PCNX1: variants seen among roughly 807,000 people sequenced by gnomAD.
PCNX1 encodes the protein pecanex 1.
Under a neutral mutation model 242.2 loss-of-function variants are expected in PCNX1, and 78 were observed. The ratio of observed to expected loss-of-function variants is 0.32; its 90% CI spans 0.27 to 0.39. The LOEUF is 0.39. PCNX1 is among the 10% of genes least tolerant of loss of function. PCNX1 has a pLI of 1.00. For missense variants in PCNX1, 2,581 were observed against 2,856.5 expected (o/e 0.90, Z 2.20); for synonymous variants, 1,024 against 1,032.9 (o/e 0.99, Z 0.17).
intron 8 of PCNX1, among the ~76,000 whole-genome samples, chr14:71,003,041 A>AAAT (rs991381933): frequency 3.0e-4 from 45 of 149,262 alleles, no homozygotes; most frequent in Admixed American, 9.5e-4. Context: ...GTGTGTCCAG[A>AAAT]AATTTACTCA....
rs11625687 is a variant in PCNX1, at chr14:70,988,680, C to T, written c.2425C>T (p.Leu809Phe). The change falls in exon 7 of 36, where the codon CTC becomes TTC. Residue 809 changes from leucine to phenylalanine, a missense_variant. By Grantham distance (22) the Leu-to-Phe change is conservative (BLOSUM62 0). Coordinates refer to ENST00000304743, the MANE Select transcript of PCNX1 (RefSeq NM_014982.3). ...GAGTAACCCTACCCCTCCTACATTG[C>T]TCATCGGATCACCCCTAAGGTATGG... ...AGSNPTPPTL[L>F]IGSPLSLQDG... 6.2e-7 allele frequency: 1 copy of T among 1,613,898 alleles called. No individual in the cohort carries two copies. Among genetic ancestry groups the T allele is most frequent in the Non-Finnish European group, 8.5e-7 (1 of 1,179,856 alleles).
intron 30 of PCNX1, among the ~76,000 whole-genome samples, chr14:71,100,842 T>C (rs2062444155): frequency 6.6e-6 from 1 of 152,180 alleles, no homozygotes; most frequent in African/African-American, 2.4e-5. Context: ...ATACCAGTCT[T>C]CGAGGTCCAA....
chr14:71,056,947 T>C (rs2061199311), intron 25 of PCNX1, among the ~76,000 whole-genome samples: 1 of 152,180 alleles, frequency 6.6e-6, no homozygotes, highest in Non-Finnish European at 1.5e-5. Flanking sequence ...GTGCTGAGAT[T>C]CCAGGCATGA....
intron 9 of PCNX1, 90 bp downstream of exon 9, chr14:71,009,814 T>A (rs901064523): frequency 4.1e-5 from 27 of 653,694 alleles, no homozygotes; most frequent in Non-Finnish European, 6.2e-5. Context: ...AAGTTAATTT[T>A]TTTGTTTTTT....
chr14:70,938,081 GAC>G (rs1181381656), intron 1 of PCNX1, among the ~76,000 whole-genome samples: 1 of 152,176 alleles, frequency 6.6e-6, no homozygotes, highest in Non-Finnish European at 1.5e-5. Context: ...TGCAAACAGG[GAC>G]AATTTGACTT....
chr14:70,910,624 C>T (rs1307226616), intron 1 of PCNX1, among the ~76,000 whole-genome samples: 2 of 152,138 alleles, frequency 1.3e-5, no homozygotes, highest in Non-Finnish European at 2.9e-5. Context: ...TAGCAACTTC[C>T]CCAGCTCTCA....
chr14:70,941,353 A>C (rs1338777880), intron 1 of PCNX1, among the ~76,000 whole-genome samples: 1 of 152,218 alleles, frequency 6.6e-6, no homozygotes, highest in Admixed American at 6.5e-5. Flanking sequence ...TCTAACAGTC[A>C]GGACTCTCAG....
chr14:70,978,541 C>G lies in PCNX1; in HGVS notation c.2204C>G (p.Ser735Cys). The change falls in exon 6 of 36, where the codon TCT (serine) becomes TGT (cysteine). Residue 735 changes from serine (S) to cysteine (C), a missense_variant. Physicochemically the swap from Ser to Cys is moderately radical, Grantham distance 112 (BLOSUM62 -1). Transcript: ENST00000304743. The part of the protein sequence containing the change: ...AKEGEVLDEL[S>C]LLGRASQLET... ...GAGGGAGAGGTGCTAGATGAGCTAT[C>G]TTTATTAGGACGGGCTTCCCAGTTA... is the stretch of plus-strand genomic sequence containing the variant. 6.2e-7 allele frequency: 1 copy of G among 1,614,130 alleles called. No homozygotes were observed. The highest frequency in any genetic ancestry group is 1.1e-5 in the South Asian group (1 of 91,084).
At chr14:71,072,610 A>C (rs1439342941) in intron 26 of PCNX1, among the ~76,000 whole-genome samples, 1 of 152,170 alleles carries the variant, frequency 6.6e-6, no homozygotes, top group African/African-American at 2.4e-5. Context: ...TCAGACATGG[A>C]TGGTGTATGT....
At chr14:71,051,785 AT>A in intron 23 of PCNX1, 97 bp from the exon 24 acceptor site, 2 of 1,154,420 alleles carry the variant, frequency 1.7e-6, no homozygotes, top group Non-Finnish European at 2.5e-6. Context: ...CAGTTCTCTA[AT>A]TGAGGTAATC....
At chr14:70,987,557 G>A (rs2059035691) in intron 6 of PCNX1, among the ~76,000 whole-genome samples, 1 of 152,152 alleles carries the variant, frequency 6.6e-6, no homozygotes, top group Non-Finnish European at 1.5e-5. Flanking sequence ...GAATGTTTCT[G>A]TGCTAACTTG....
chr14:71,022,167 C>T (rs2060121555), intron 12 of PCNX1, among the ~76,000 whole-genome samples: 1 of 152,130 alleles, frequency 6.6e-6, no homozygotes, highest in African/African-American at 2.4e-5. Flanking sequence ...ACAAGTAACC[C>T]AGTCCCTTTG....
intron 15 of PCNX1, 198 bp downstream of exon 15, chr14:71,027,080 A>G: frequency 2.2e-6 from 1 of 452,362 alleles, no homozygotes; most frequent in Non-Finnish European, 3.9e-6. Flanking sequence ...TACTTTAGAG[A>G]AAGAGCCAGG....
In PCNX1 at chr14:71,112,895, G is replaced by C. The variant is rs1029555669; in HGVS notation, c.*2960G>C. Reference sequence around the variant, plus strand: ...TGAGAGAAAGGTAATCGTGGAATGAGTTATAAATTATTGCCTTTTTTTCCT... The same window carrying C: ...TGAGAGAAAGGTAATCGTGGAATGACTTATAAATTATTGCCTTTTTTTCCT... On this transcript the variant is annotated 3_prime_UTR_variant, in exon 36 of 36. Transcript: ENST00000304743. 6.6e-6 allele frequency: 1 copy of C among 152,106 alleles called. No homozygotes were observed. The highest frequency in any genetic ancestry group is 2.1e-4 in the South Asian group (1 of 4,834). 9.4% of individuals were successfully genotyped at this position (152,106 alleles called of 1,614,324 possible). A position where few individuals can be genotyped will look rare whatever the true frequency, so the allele number is the denominator to read the frequency against.
Position 70,977,651 on chromosome 14 carries a change from G to A in PCNX1, c.1314G>A (p.Glu438=). The A allele has an allele frequency of 6.2e-7, 1 of 1,614,062 alleles. No homozygotes were observed. Among genetic ancestry groups the A allele is most frequent in the Non-Finnish European group, 8.5e-7 (1 of 1,179,996 alleles). ...AGAAAGAGTGCTGTGCAGGCCCAGA[G>A]GAGAAGAATAGCTGTGCCAGTGACA... ...GRKKECCAGP[E]EKNSCASDKR... Residue 438 remains glutamate (E), a synonymous_variant, in exon 6 of 36, where the codon GAG becomes GAA. Coordinates refer to ENST00000304743, the MANE Select transcript of PCNX1 (RefSeq NM_014982.3).
chr14:70,995,697 C>T (rs866833667), intron 7 of PCNX1, 44 bp from the exon 8 acceptor site: 1 of 1,556,700 alleles, frequency 6.4e-7, no homozygotes, highest in Middle Eastern at 1.8e-4. Context: ...ATTGTTTTCT[C>T]TTTTCTTCCC....
intron 7 of PCNX1, among the ~76,000 whole-genome samples, chr14:70,989,638 T>C (rs977940648): frequency 6.6e-6 from 1 of 151,432 alleles, no homozygotes; most frequent in Non-Finnish European, 1.5e-5. Flanking sequence ...CAAGTGATTC[T>C]CCTGGCTCAG....
At chr14:70,997,160 A>G (rs1697735603) in intron 8 of PCNX1, among the ~76,000 whole-genome samples, 1 of 152,262 alleles carries the variant, frequency 6.6e-6, no homozygotes, top group South Asian at 2.1e-4. Flanking sequence ...CAGTTTAGCT[A>G]CTTGTTTTAG....
intron 3 of PCNX1, among the ~76,000 whole-genome samples, chr14:70,965,168 C>T (rs376843060): frequency 6.6e-6 from 1 of 152,078 alleles, no homozygotes; most frequent in Non-Finnish European, 1.5e-5. Flanking sequence ...ATCTTCTACC[C>T]ATCATTTCCA....
Sources: gnomAD v4.1 joint callset for allele counts (sites outside exome capture counted in the v4.1 genomes callset) on GRCh38, gnomAD v4.1.1 for gene constraint, MANE v1.5 for transcripts, NCBI Gene and HGNC (gene_info 2026-07-23, HGNC 2026-07-21) for gene names.